Variants in BMPER observed in about 807,000 individuals in gnomAD.
BMPER encodes BMP binding endothelial regulator, also known as BMP-binding endothelial regulator protein.
A neutral mutation model predicts 87.3 loss-of-function variants in BMPER; 45 were observed. The observed-to-expected ratio is 0.52, with a 90% CI of 0.41 to 0.66. The LOEUF is 0.66. Ranked by LOEUF, BMPER falls within the 30% of genes least tolerant of loss-of-function variation. The pLI is 0.00. For synonymous variants in BMPER, 326 were observed against 316.2 expected, an observed-to-expected ratio of 1.03 and a Z score of -0.33; for missense variants, 784 against 867.5, an observed-to-expected ratio of 0.90 and a Z score of 1.21.
chr7:34,152,615 C>T (rs1015358988), intron 14 of BMPER, among the ~76,000 whole-genome samples: 8 of 152,064 alleles, frequency 5.3e-5, no homozygotes, highest in Non-Finnish European at 7.4e-5. Context: ...ATTTAACACA[C>T]GATTACATTG....
In BMPER at chr7:33,974,722, C is replaced by A; in HGVS notation, c.514C>A (p.Gln172Lys). The A allele has an allele frequency of 6.2e-7, 1 of 1,613,986 alleles. No homozygotes were observed. The highest frequency in any genetic ancestry group is 8.5e-7 in the Non-Finnish European group (1 of 1,179,962). ...TCPGCVFEGVQYQEGEEFQPE... is the reference protein window; with the variant it reads ...TCPGCVFEGVKYQEGEEFQPE... Reference sequence around the variant, plus strand: ...TCCAGGCTGTGTGTTTGAGGGTGTGCAGTATCAAGAAGGGGAGGAATTTCA... The same window carrying A: ...TCCAGGCTGTGTGTTTGAGGGTGTGAAGTATCAAGAAGGGGAGGAATTTCA... Residue 172 changes from glutamine to lysine, a missense_variant, in exon 6 of 15, where the codon CAG (glutamine) becomes AAG (lysine). Coordinates refer to ENST00000649409, the MANE Select transcript of BMPER (RefSeq NM_001365308.1).
At chr7:34,013,187 G>A (rs550827031) in intron 6 of BMPER, among the ~76,000 whole-genome samples, 53 of 151,634 alleles carry the variant, frequency 3.5e-4, no homozygotes, top group African/African-American at 1.2e-3. Flanking sequence ...TACTCCACTA[G>A]CCCTGTTTCT....
At chr7:33,914,645 A>G (rs1402754077) in intron 2 of BMPER, among the ~76,000 whole-genome samples, 1 of 152,244 alleles carries the variant, frequency 6.6e-6, no homozygotes, top group Non-Finnish European at 1.5e-5. Flanking sequence ...CTGCATAGAA[A>G]TAAACTTCAA....
At chr7:34,014,702 G>A (rs760286288) in intron 6 of BMPER, among the ~76,000 whole-genome samples, 60 of 151,964 alleles carry the variant, frequency 3.9e-4, no homozygotes, top group African/African-American at 1.4e-3. Flanking sequence ...AGGAAATTGG[G>A]GAATTGAGGT....
chr7:34,126,155 A>C (rs1389745640), intron 13 of BMPER, among the ~76,000 whole-genome samples: 2 of 152,230 alleles, frequency 1.3e-5, no homozygotes, highest in East Asian at 3.9e-4. Flanking sequence ...ATGTCTCAGC[A>C]GGTACTATTG....
intron 13 of BMPER, among the ~76,000 whole-genome samples, chr7:34,103,242 G>T (rs1789729503): frequency 6.6e-6 from 1 of 152,150 alleles, no homozygotes; most frequent in Non-Finnish European, 1.5e-5. Context: ...GAGAGAATGA[G>T]CTGTGCCCTT....
At chr7:33,961,132 C>A (rs1288051639) in intron 3 of BMPER, among the ~76,000 whole-genome samples, 1 of 152,158 alleles carries the variant, frequency 6.6e-6, no homozygotes, top group Non-Finnish European at 1.5e-5. Flanking sequence ...AGGTTGAGAT[C>A]TTCTGGCCAT....
chr7:33,912,027 G>A (rs930444553), intron 2 of BMPER, among the ~76,000 whole-genome samples: 6 of 152,148 alleles, frequency 3.9e-5, no homozygotes, highest in African/African-American at 1.4e-4. Context: ...GGCTTGGACT[G>A]GGCTGATCTA....
intron 6 of BMPER, among the ~76,000 whole-genome samples, chr7:34,009,629 A>G (rs1786826301): frequency 6.6e-6 from 1 of 152,024 alleles, no homozygotes; most frequent in Admixed American, 6.6e-5. Context: ...ATAAAACCGT[A>G]TAAATGTGAG....
chr7:34,045,270 G>C (rs1414914631), intron 6 of BMPER, among the ~76,000 whole-genome samples: 1 of 152,186 alleles, frequency 6.6e-6, no homozygotes, highest in Admixed American at 6.5e-5. Context: ...CTATTGCATA[G>C]GATAGTTTTC....
At chr7:34,133,529 C>T (rs1790645530) in intron 13 of BMPER, among the ~76,000 whole-genome samples, 2 of 152,164 alleles carry the variant, frequency 1.3e-5, no homozygotes, top group South Asian at 2.1e-4. Context: ...TTGTAATCAA[C>T]TGGGCAACTT....
At position 33,970,416 on chromosome 7, in the gene BMPER, C is replaced by G. The variant is rs751184182; in HGVS notation, c.490C>G (p.Pro164Ala). 1.5e-5 allele frequency: 25 copies of G among 1,613,614 alleles called. No individual in the cohort carries two copies. Among genetic ancestry groups the G allele is most frequent in the Non-Finnish European group, 2.1e-5 (25 of 1,179,666 alleles). Residue 164 changes from proline (P) to alanine (A), a missense_variant, in exon 5 of 15, where the codon CCA becomes GCA. Pro to Ala is a conservative substitution (Grantham distance 27). Coordinates refer to ENST00000649409, the MANE Select transcript of BMPER (RefSeq NM_001365308.1). ...EHLGMCCPTCPGCVFEGVQYQ... is the reference protein window; with the variant it reads ...EHLGMCCPTCAGCVFEGVQYQ... The stretch of plus-strand genomic sequence containing the variant: ...TCTGGGAATGTGCTGCCCCACATGT[C>G]CAGGTAACGTTCTCAGGAAGGGGAG...
At chr7:34,062,466 C>A (rs1371164681) in intron 11 of BMPER, among the ~76,000 whole-genome samples, 1 of 152,020 alleles carries the variant, frequency 6.6e-6, no homozygotes, top group Admixed American at 6.5e-5. Flanking sequence ...TGCTCCCTCA[C>A]CCCACCCCCA....
intron 13 of BMPER, among the ~76,000 whole-genome samples, chr7:34,098,883 C>T (rs1439348630): frequency 1.3e-5 from 2 of 152,266 alleles, no homozygotes; most frequent in African/African-American, 4.8e-5. Flanking sequence ...TTGGTATTTA[C>T]TTCAAGAGAA....
At chr7:34,075,721 C>T (rs542947174) in intron 11 of BMPER, among the ~76,000 whole-genome samples, 2 of 152,198 alleles carry the variant, frequency 1.3e-5, no homozygotes, top group Non-Finnish European at 2.9e-5. Flanking sequence ...GACTGAAGCT[C>T]ATTTCACTGG....
intron 3 of BMPER, among the ~76,000 whole-genome samples, chr7:33,957,463 C>T (rs1785174908): frequency 6.6e-6 from 1 of 151,462 alleles, no homozygotes; most frequent in Non-Finnish European, 1.5e-5. Flanking sequence ...AAGAAGCAAA[C>T]TGAGTGTTGC....
At chr7:34,013,551 G>C (rs919053254) in intron 6 of BMPER, among the ~76,000 whole-genome samples, 1 of 151,766 alleles carries the variant, frequency 6.6e-6, no homozygotes, top group African/African-American at 2.4e-5. Flanking sequence ...AAATTCACTT[G>C]TTGTAAGTGT....
At chr7:33,963,725 G>C (rs746224394) in intron 3 of BMPER, among the ~76,000 whole-genome samples, 1 of 152,106 alleles carries the variant, frequency 6.6e-6, no homozygotes, top group African/African-American at 2.4e-5. Flanking sequence ...CCTGGGAGGC[G>C]GAGGTTGCAG....
At chr7:34,130,224 C>A (rs535407754) in intron 13 of BMPER, among the ~76,000 whole-genome samples, 2 of 152,042 alleles carry the variant, frequency 1.3e-5, no homozygotes, top group African/African-American at 4.8e-5. Flanking sequence ...CTTCTGGGTT[C>A]CCTTCAAATT....
Sources: gnomAD v4.1 joint callset for allele counts (sites outside exome capture counted in the v4.1 genomes callset) on GRCh38, gnomAD v4.1.1 for gene constraint, MANE v1.5 for transcripts, NCBI Gene and HGNC (gene_info 2026-07-23, HGNC 2026-07-21) for gene names.